Variants in ANKRD22 observed in about 807,000 individuals in gnomAD.
ANKRD22 encodes the protein ankyrin repeat domain 22, also known as ankyrin repeat domain-containing protein 22.
In ANKRD22, 24 loss-of-function variants were observed where a neutral mutation model predicts 25.7. The observed-to-expected ratio is 0.93, with a 90% CI of 0.68 to 1.31. ANKRD22 has a LOEUF of 1.31. ANKRD22 is among the 50% of genes most tolerant of loss of function. The pLI is 0.00. For missense variants in ANKRD22, 214 were observed against 227.1 expected (o/e 0.94, Z 0.37); for synonymous variants, 84 against 84.3 (o/e 1.00, Z 0.02).
chr10:88,835,132 C>A (rs1173705650), intron 1 of ANKRD22, among the ~76,000 whole-genome samples: 1 of 152,068 alleles, frequency 6.6e-6, no homozygotes, highest in Non-Finnish European at 1.5e-5. Flanking sequence ...GAGCTCTCTG[C>A]TTAGGCTTCT....
At chr10:88,847,409 C>G (rs1313359829) in intron 1 of ANKRD22, among the ~76,000 whole-genome samples, 1 of 152,132 alleles carries the variant, frequency 6.6e-6, no homozygotes, top group African/African-American at 2.4e-5. Flanking sequence ...CAGGCACATG[C>G]CTCCACACCC....
chr10:88,851,677 T>C lies in ANKRD22; in HGVS notation c.-70A>G, dbSNP rs1564609513. 23 of 1,572,860 alleles carry C rather than the reference T, an allele frequency of 1.5e-5. No individual in the cohort carries two copies. The highest frequency in any genetic ancestry group is 1.9e-5 in the Non-Finnish European group (22 of 1,144,068). On this transcript the variant is annotated 5_prime_UTR_variant, in exon 1 of 6. Transcript: ENST00000371930. The stretch of plus-strand genomic sequence containing the variant: ...CTTCTGGAGGTATTTCTGATGAATA[T>C]CAAAATCCTTCCTGGCTGAGAGGAA...
At chr10:88,847,165 T>C (rs1483363278) in intron 1 of ANKRD22, among the ~76,000 whole-genome samples, 1 of 152,208 alleles carries the variant, frequency 6.6e-6, no homozygotes, top group Non-Finnish European at 1.5e-5. Context: ...AATGTTTTTT[T>C]ACATTTTTCA....
At chr10:88,823,186 T>C in intron 5 of ANKRD22, 94 bp downstream of exon 5, 1 of 1,313,332 alleles carries the variant, frequency 7.6e-7, no homozygotes, top group Non-Finnish European at 1.1e-6. Context: ...TACTGTTGTT[T>C]ACGTCAGAGG....
rs1356476584 is a variant in ANKRD22, at chr10:88,820,235, A to G, written c.*2706T>C. 6.5e-7 allele frequency: 1 copy of G among 1,548,672 alleles called. No individual in the cohort carries two copies. The highest frequency in any genetic ancestry group is 8.7e-7 in the Non-Finnish European group (1 of 1,145,894). ...AAGAACTATTCCTTTTCTCTAGCCA[A>G]CTCCTGTAAGGTACAGAGTCAGAGA... On this transcript the variant is annotated 3_prime_UTR_variant, in exon 6 of 6. Transcript: ENST00000371930.
At chr10:88,844,160 A>G (rs1275972738) in intron 1 of ANKRD22, among the ~76,000 whole-genome samples, 2 of 152,160 alleles carry the variant, frequency 1.3e-5, no homozygotes, top group Non-Finnish European at 2.9e-5. Flanking sequence ...AAACTTCCAG[A>G]CAAAGGGAAT....
At chr10:88,830,300 T>G (rs569382450) in intron 2 of ANKRD22, among the ~76,000 whole-genome samples, 4 of 152,350 alleles carry the variant, frequency 2.6e-5, no homozygotes, top group East Asian at 3.9e-4. Context: ...CAACATTTGT[T>G]TTCTTTTTTA....
chr10:88,841,735 A>G (rs80178434), intron 1 of ANKRD22, among the ~76,000 whole-genome samples: 4,279 of 152,280 alleles, frequency 0.028, 221 homozygotes, highest in African/African-American at 0.099. Flanking sequence ...TATATTAAAG[A>G]AAAATGAAAC....
Position 88,820,545 on chromosome 10 carries a change from G to C in ANKRD22, c.*2396C>G. Reference sequence around the variant, plus strand: ...TCTTAGGACAACCTCCTGAGGGATGGGGCTAGGACCCATGAAGGCAGAATT... The same window carrying C: ...TCTTAGGACAACCTCCTGAGGGATGCGGCTAGGACCCATGAAGGCAGAATT... On this transcript the variant is annotated 3_prime_UTR_variant, in exon 6 of 6. Transcript: ENST00000371930. The C allele has an allele frequency of 3.3e-6, 5 of 1,515,178 alleles. No individual in the cohort carries two copies. The highest frequency in any genetic ancestry group is 4.4e-6 in the Non-Finnish European group (5 of 1,130,350). The allele number at this position is 1,515,178 out of a possible 1,614,324, so 93.9% of individuals were successfully genotyped here. A position where few individuals can be genotyped will look rare whatever the true frequency, so the allele number is the denominator to read the frequency against.
At chr10:88,830,746 TG>T (rs1182152182) in intron 2 of ANKRD22, among the ~76,000 whole-genome samples, 4 of 152,188 alleles carry the variant, frequency 2.6e-5, no homozygotes, top group Non-Finnish European at 4.4e-5. Context: ...GCCTTGCCCA[TG>T]GGCTAACGTC....
intron 1 of ANKRD22, among the ~76,000 whole-genome samples, chr10:88,837,603 C>A (rs898956760): frequency 6.6e-6 from 1 of 152,218 alleles, no homozygotes; most frequent in African/African-American, 2.4e-5. Context: ...GATCTTCATT[C>A]ATTATACTAC....
chr10:88,828,513 C>G, intron 3 of ANKRD22, 46 bp downstream of exon 3: 1 of 1,379,434 alleles, frequency 7.2e-7, no homozygotes, highest in African/African-American at 1.4e-5. Context: ...TGAGTCACAC[C>G]ATCGATCTCC....
chr10:88,842,393 G>A (rs1179376625), intron 1 of ANKRD22, among the ~76,000 whole-genome samples: 1 of 152,110 alleles, frequency 6.6e-6, no homozygotes, highest in Non-Finnish European at 1.5e-5. Flanking sequence ...CAGAACCAGT[G>A]TTTTAACCCA....
At position 88,822,544 on chromosome 10, in the gene ANKRD22, C is replaced by CTGTTTTTTTTTTTTTTTT. The variant is rs1554832256; in HGVS notation, c.*396_*397insAAAAAAAAAAAAAAAACA. The CTGTTTTTTTTTTTTTTTT allele has an allele frequency of 2.7e-5, 1 of 36,438 alleles. No individual in the cohort carries two copies. The highest frequency in any genetic ancestry group is 5.9e-5 in the Non-Finnish European group (1 of 17,014). 2.3% of individuals were successfully genotyped at this position (36,438 alleles called of 1,614,324 possible). A position where few individuals can be genotyped will look rare whatever the true frequency, so the allele number is the denominator to read the frequency against. On this transcript the variant is annotated 3_prime_UTR_variant, in exon 6 of 6. Transcript: ENST00000371930. ...AAAGACTGAGTTTGGAACACCAGGG[C>CTGTTTTTTTTTTTTTTTT]TTTTTTTTTTTTTTTTTTTTTTGAG...
intron 3 of ANKRD22, among the ~76,000 whole-genome samples, chr10:88,828,226 T>TA (rs1843872638): frequency 6.6e-6 from 1 of 152,114 alleles, no homozygotes; most frequent in African/African-American, 2.4e-5. Flanking sequence ...ACTCCTCTTT[T>TA]AAAAAAAGGA....
intron 1 of ANKRD22, among the ~76,000 whole-genome samples, chr10:88,835,354 G>A (rs1341246084): frequency 6.6e-6 from 1 of 152,120 alleles, no homozygotes; most frequent in Non-Finnish European, 1.5e-5. Context: ...CGGCTGAGAT[G>A]CACAAGTACA....
At chr10:88,837,064 G>A (rs550099714) in intron 1 of ANKRD22, among the ~76,000 whole-genome samples, 9 of 152,278 alleles carry the variant, frequency 5.9e-5, no homozygotes, top group Admixed American at 2.0e-4. Context: ...TTCAAAGAGG[G>A]GGGTAGCAGT....
chr10:88,826,431 C>A (rs1417090339), intron 3 of ANKRD22, among the ~76,000 whole-genome samples: 1 of 152,202 alleles, frequency 6.6e-6, no homozygotes, highest in East Asian at 1.9e-4. Context: ...TGGCTCAAAG[C>A]TGTGCAATTA....
intron 1 of ANKRD22, among the ~76,000 whole-genome samples, chr10:88,839,118 G>T (rs1843981487): frequency 6.6e-6 from 1 of 152,100 alleles, no homozygotes; most frequent in Admixed American, 6.5e-5. Flanking sequence ...GTTCATTTCT[G>T]TCTTCTGGCC....
Sources: allele counts gnomAD v4.1 joint callset (sites outside exome capture counted in the v4.1 genomes callset), GRCh38; gene constraint gnomAD v4.1.1; transcripts MANE v1.5; gene names NCBI Gene and HGNC (gene_info 2026-07-23, HGNC 2026-07-21).